The following C6orf118 variants were observed in gnomAD, a reference collection of about 807,000 sequenced individuals.
C6orf118 encodes the protein chromosome 6 open reading frame 118.
In C6orf118, 50 loss-of-function variants were observed where a neutral mutation model predicts 50.2. The observed-to-expected ratio is 1.00, with a 90% CI of 0.79 to 1.26. The LOEUF is 1.26. Among genes scored for constraint, C6orf118 ranks in the 50% most tolerant of loss-of-function variants. C6orf118 has a pLI of 0.00. For synonymous variants in C6orf118, 239 were observed against 230.9 expected (o/e 1.03, Z -0.32); for missense variants, 641 against 578.7 (o/e 1.11, Z -1.10).
At chr6:165,290,414 C>T (rs1369331841) in intron 6 of C6orf118, among the ~76,000 whole-genome samples, 2 of 152,042 alleles carry the variant, frequency 1.3e-5, no homozygotes, top group South Asian at 2.1e-4. Context: ...GAAGGTGCAA[C>T]GGTAAGACAA....
intron 1 of C6orf118, among the ~76,000 whole-genome samples, chr6:165,308,498 C>T (rs1258403166): frequency 6.6e-6 from 1 of 152,160 alleles, no homozygotes; most frequent in African/African-American, 2.4e-5. Context: ...GTCATGCCAA[C>T]AAGTCCACTG....
In C6orf118 at chr6:165,306,535, C is replaced by CAA. The variant is rs60755206; in HGVS notation, c.25+3025_25+3026dup. ...TAGAAATGGAATTTCTAGGTGAATGCAAAAAAAAAAAAAAAAAAAAAAAAA... is the reference window on the plus strand; with the variant it reads ...TAGAAATGGAATTTCTAGGTGAATGCAAAAAAAAAAAAAAAAAAAAAAAAAAA... On this transcript the variant is annotated intron_variant, in intron 1 of 8. Coordinates refer to ENST00000230301, the MANE Select transcript of C6orf118 (RefSeq NM_144980.4). 2.1e-3 allele frequency among the ~76,000 whole-genome samples: 85 copies of CAA among 39,698 alleles called. 2 individuals carry two copies. The highest frequency in any genetic ancestry group is 4.7e-3 in the African/African-American group (62 of 13,188). The allele number at this position is 39,698 out of a possible 152,430, so 26.0% of individuals were successfully genotyped here.
chr6:165,281,384 C>T, intron 8 of C6orf118: 1 of 555,094 alleles, frequency 1.8e-6, no homozygotes, highest in Non-Finnish European at 2.6e-6. Flanking sequence ...AGTGTGAACC[C>T]TTCAAAGGTC....
intron 7 of C6orf118, among the ~76,000 whole-genome samples, chr6:165,283,825 AG>A (rs1779818544): frequency 6.6e-6 from 1 of 152,242 alleles, no homozygotes; most frequent in Non-Finnish European, 1.5e-5. Flanking sequence ...TCCAAAGGTC[AG>A]CACTCTCAAA....
chr6:165,291,881 A>C (rs1226598661), intron 6 of C6orf118, among the ~76,000 whole-genome samples: 1 of 152,230 alleles, frequency 6.6e-6, no homozygotes, highest in Non-Finnish European at 1.5e-5. Flanking sequence ...TGGGAACAAA[A>C]GAGTTAGAAA....
intron 1 of C6orf118, among the ~76,000 whole-genome samples, chr6:165,307,982 C>T (rs1780808665): frequency 6.6e-6 from 1 of 152,208 alleles, no homozygotes; most frequent in Non-Finnish European, 1.5e-5. Flanking sequence ...CACGGATAAA[C>T]ATCTGTTGCC....
At position 165,299,460 on chromosome 6, in the gene C6orf118, G is replaced by C. The variant is rs761791987; in HGVS notation, c.919C>G (p.Pro307Ala). The C allele has an allele frequency of 1.1e-5, 17 of 1,613,950 alleles. No homozygotes were observed. In the Admixed American group the frequency reaches 1.5e-4, roughly 14 times the overall value. Residue 307 changes from proline (P) to alanine (A), a missense_variant, in exon 4 of 9, where the codon CCT (proline) becomes GCT (alanine). By Grantham distance (27) the Pro-to-Ala change is conservative. Coordinates refer to ENST00000230301, the MANE Select transcript of C6orf118 (RefSeq NM_144980.4). ...LYMATLLESQPAAQYEALLAQ... is the reference protein window; with the variant it reads ...LYMATLLESQAAAQYEALLAQ... ...ATCGTCACCTCGTACTGTGCTGCAGGCTGGGACTCCAGGAGCGTTGCCATG... is the reference window on the plus strand; with the variant it reads ...ATCGTCACCTCGTACTGTGCTGCAGCCTGGGACTCCAGGAGCGTTGCCATG...
chr6:165,300,270 C>A (rs1780469007), intron 3 of C6orf118, 94 bp downstream of exon 3: 1 of 1,465,140 alleles, frequency 6.8e-7, no homozygotes, highest in African/African-American at 1.4e-5. Flanking sequence ...GCCTGTGATA[C>A]CTAGCAGAAT....
At chr6:165,281,609 T>C in intron 8 of C6orf118, 31 bp downstream of exon 8, 2 of 1,482,234 alleles carry the variant, frequency 1.3e-6, no homozygotes, top group Non-Finnish European at 1.8e-6. Context: ...ATATTTTTAT[T>C]GATAAACATT....
chr6:165,289,836 G>A, intron 7 of C6orf118, 50 bp downstream of exon 7: 2 of 1,313,006 alleles, frequency 1.5e-6, no homozygotes, highest in South Asian at 1.6e-5. Flanking sequence ...GTTTGCCAAG[G>A]TCTTCAAGCA....
At chr6:165,299,379 G>C (rs1205648715) in intron 4 of C6orf118, 64 bp downstream of exon 4, 2 of 1,466,472 alleles carry the variant, frequency 1.4e-6, no homozygotes, top group African/African-American at 1.4e-5. Flanking sequence ...GGTTTCCACT[G>C]CTCATGAAAT....
intron 8 of C6orf118, 78 bp downstream of exon 8, chr6:165,281,562 C>A (rs113604576): frequency 2.1e-6 from 3 of 1,445,250 alleles, no homozygotes; most frequent in South Asian, 1.4e-5. Context: ...ATCAGTTGGT[C>A]ATGCTTATTA....
At chr6:165,307,864 C>T (rs1780802066) in intron 1 of C6orf118, among the ~76,000 whole-genome samples, 1 of 152,236 alleles carries the variant, frequency 6.6e-6, no homozygotes, top group African/African-American at 2.4e-5. Context: ...CCTCACAGAA[C>T]TCGTTGCAGA....
At position 165,283,236 on chromosome 6, in the gene C6orf118, G is replaced by T. The variant is rs533640949; in HGVS notation, c.1303-1543C>A. Among the ~76,000 whole-genome samples, 25 of 152,220 alleles carry T rather than the reference G, an allele frequency of 1.6e-4. No homozygotes were observed. The South Asian group carries it at 5.0e-3, about 30-fold the overall frequency. On this transcript the variant is annotated intron_variant, in intron 7 of 8. Coordinates refer to ENST00000230301, the MANE Select transcript of C6orf118 (RefSeq NM_144980.4). ...TGAAGAGATGGCCCACCTGGGAGCCGCAAGGGGACCTTCCGCTCCCAGCCA... is the reference window on the plus strand; with the variant it reads ...TGAAGAGATGGCCCACCTGGGAGCCTCAAGGGGACCTTCCGCTCCCAGCCA...
chr6:165,297,876 A>T, intron 5 of C6orf118, 101 bp downstream of exon 5: 1 of 1,523,068 alleles, frequency 6.6e-7, no homozygotes, highest in Non-Finnish European at 9.0e-7. Context: ...GCATGTTTTC[A>T]GCAACGCAGA....
chr6:165,301,468 C>A (rs867891038), intron 2 of C6orf118, 101 bp downstream of exon 2: 21 of 1,463,220 alleles, frequency 1.4e-5, no homozygotes, highest in Non-Finnish European at 1.8e-5. Flanking sequence ...CGGAGCTCTG[C>A]CCCGAGAGGT....
chr6:165,287,865 A>G (rs1189245863), intron 7 of C6orf118, among the ~76,000 whole-genome samples: 1 of 152,232 alleles, frequency 6.6e-6, no homozygotes, highest in Non-Finnish European at 1.5e-5. Context: ...TTCAGGATAT[A>G]GGCATAGGCA....
In C6orf118 at chr6:165,296,250, G is replaced by GTTTTTTTTTTTTTTTT. The variant is rs56394079; in HGVS notation, c.1061+1711_1061+1726dup. Among the ~76,000 whole-genome samples, 121 of 103,344 alleles carry GTTTTTTTTTTTTTTTT rather than the reference G, an allele frequency of 1.2e-3. 2 individuals are homozygous for GTTTTTTTTTTTTTTTT. Among genetic ancestry groups the GTTTTTTTTTTTTTTTT allele is most frequent in the Non-Finnish European group, 1.6e-3 (79 of 48,740 alleles). The allele number at this position is 103,344 out of a possible 152,430, so 67.8% of individuals were successfully genotyped here. A position where few individuals can be genotyped will look rare whatever the true frequency, so the allele number is the denominator to read the frequency against. Reference sequence around the variant, plus strand: ...GTTGTTGTTGTTGTTTTCGTTTTTTGTTTTTTTTTTTTTTTTTTTTTTTTT... The same window carrying GTTTTTTTTTTTTTTTT: ...GTTGTTGTTGTTGTTTTCGTTTTTTGTTTTTTTTTTTTTTTTTTTTTTTTTTTTTTTTTTTTTTTTT... On this transcript the variant is annotated intron_variant, in intron 5 of 8. Coordinates refer to ENST00000230301, the MANE Select transcript of C6orf118 (RefSeq NM_144980.4).
chr6:165,297,143 AGG>A (rs370817705), intron 5 of C6orf118, among the ~76,000 whole-genome samples: 8 of 152,242 alleles, frequency 5.3e-5, no homozygotes, highest in African/African-American at 1.4e-4. Flanking sequence ...ATTGGAGGCC[AGG>A]TGTGGTAGCT....
Sources: allele counts gnomAD v4.1 joint callset (sites outside exome capture counted in the v4.1 genomes callset), GRCh38; gene constraint gnomAD v4.1.1; transcripts MANE v1.5; gene names NCBI Gene and HGNC (gene_info 2026-07-23, HGNC 2026-07-21).